The following SYNE2 variants were observed in gnomAD, a reference collection of about 807,000 sequenced individuals.
The protein encoded by SYNE2 is spectrin repeat containing nuclear envelope protein 2.
A neutral mutation model predicts 856.3 loss-of-function variants in SYNE2; 431 were observed. The observed-to-expected ratio is 0.50, with a 90% CI of 0.47 to 0.55. The LOEUF is 0.55. SYNE2 is among the 20% of genes least tolerant of loss of function. SYNE2 has a pLI of 0.00. For synonymous variants in SYNE2, 2,923 were observed against 2,872.3 expected (o/e 1.02, Z -0.56); for missense variants, 8,129 against 8,023.2 (o/e 1.01, Z -0.50).
chr14:64,044,236 T>C (rs1038210780), intron 45 of SYNE2, among the ~76,000 whole-genome samples: 1 of 152,148 alleles, frequency 6.6e-6, no homozygotes, highest in Non-Finnish European at 1.5e-5. Flanking sequence ...TCAAACGAGA[T>C]CATTTTGGAG....
chr14:63,819,590 G>A (rs1034249961), intron 1 of SYNE2, among the ~76,000 whole-genome samples: 4 of 149,494 alleles, frequency 2.7e-5, no homozygotes. Flanking sequence ...AGGCTGGAGT[G>A]CAGTGGTGCA....
At position 63,856,039 on chromosome 14, in the gene SYNE2, G is replaced by A. The variant is rs562339839; in HGVS notation, c.-52+2896G>A. Among the ~76,000 whole-genome samples the A allele has an allele frequency of 5.9e-5, 9 of 152,278 alleles. 1 individual carries two copies. Among genetic ancestry groups the A allele is most frequent in the Middle Eastern group, 3.4e-3 (1 of 294 alleles). ...GAGGTTGTAGAGAGGAGACAGGCAT[G>A]GAAGAAGATCCGGCCGAGAGATAGG... On this transcript the variant is annotated intron_variant, in intron 1 of 115. Transcript: ENST00000555002.
At chr14:63,763,250 G>C (rs1364837008) in intron 1 of SYNE2, among the ~76,000 whole-genome samples, 5 of 152,224 alleles carry the variant, frequency 3.3e-5, no homozygotes, top group Admixed American at 6.5e-5. Context: ...TTATAGGCAT[G>C]AGCCACCACG....
intron 1 of SYNE2, among the ~76,000 whole-genome samples, chr14:63,767,697 T>C (rs1467004949): frequency 6.6e-6 from 1 of 152,124 alleles, no homozygotes; most frequent in Non-Finnish European, 1.5e-5. Flanking sequence ...TTTTCCTTTC[T>C]TCTGCCTGCA....
chr14:64,017,478 G>C, intron 33 of SYNE2, 117 bp from the exon 34 acceptor site: 1 of 823,740 alleles, frequency 1.2e-6, no homozygotes, highest in Non-Finnish European at 2.0e-6. Context: ...GATGAATAAA[G>C]CAGATTATCC....
intron 1 of SYNE2, among the ~76,000 whole-genome samples, chr14:63,846,505 C>T (rs1890230929): frequency 6.6e-6 from 1 of 151,896 alleles, no homozygotes; most frequent in African/African-American, 2.4e-5. Context: ...AGAAATTATT[C>T]AAGCTCAATT....
intron 97 of SYNE2, 51 bp from the exon 98 acceptor site, chr14:64,188,499 G>A (rs760959539): frequency 1.9e-6 from 3 of 1,607,746 alleles, no homozygotes; most frequent in Non-Finnish European, 2.6e-6. Flanking sequence ...AGAGAAGGGG[G>A]TGCTTTCCTT....
intron 67 of SYNE2, among the ~76,000 whole-genome samples, chr14:64,120,217 T>C (rs2153665028): frequency 6.6e-6 from 1 of 152,306 alleles, no homozygotes; most frequent in African/African-American, 2.4e-5. Flanking sequence ...TGCAGATACA[T>C]AGGCCATATG....
At chr14:64,029,817 A>G in intron 43 of SYNE2, 78 bp from the exon 44 acceptor site, 3 of 1,456,202 alleles carry the variant, frequency 2.1e-6, no homozygotes, top group Non-Finnish European at 2.8e-6. Context: ...ACAAGTATTT[A>G]TTAGTCATTT....
chr14:64,211,599 G>GC (rs1211455382), intron 103 of SYNE2, among the ~76,000 whole-genome samples: 1 of 152,244 alleles, frequency 6.6e-6, no homozygotes, highest in African/African-American at 2.4e-5. Flanking sequence ...GCCTGGCCTG[G>GC]CCCCTCAGGG....
intron 1 of SYNE2, among the ~76,000 whole-genome samples, chr14:63,814,484 CTT>C (rs371580889): frequency 9.9e-5 from 3 of 30,328 alleles, no homozygotes; most frequent in South Asian, 1.8e-3. Flanking sequence ...AATATATATC[CTT>C]ATATATATCC....
intron 96 of SYNE2, among the ~76,000 whole-genome samples, chr14:64,179,809 T>C (rs61984373): frequency 0.013 from 1,913 of 152,306 alleles, 21 homozygotes; most frequent in South Asian, 0.019. Flanking sequence ...ACATTGCAAA[T>C]GTCTTTTCCC....
At chr14:64,001,800 G>T (rs1263547527) in intron 28 of SYNE2, 134 bp from the exon 29 acceptor site, 3 of 964,806 alleles carry the variant, frequency 3.1e-6, no homozygotes, top group Non-Finnish European at 5.0e-6. Flanking sequence ...GTGATAATGT[G>T]TATGTATATA....
intron 2 of SYNE2, among the ~76,000 whole-genome samples, chr14:63,929,092 A>G (rs1224749837): frequency 6.6e-6 from 1 of 152,094 alleles, no homozygotes; most frequent in Non-Finnish European, 1.5e-5. Flanking sequence ...TTCCTGGGTG[A>G]TAGGACCATC....
intron 66 of SYNE2, among the ~76,000 whole-genome samples, chr14:64,114,753 G>A (rs537620257): frequency 5.5e-4 from 83 of 151,978 alleles, no homozygotes; most frequent in South Asian, 4.0e-3. Context: ...GGGTAGCTGG[G>A]ACTACAGCCC....
At chr14:63,980,329 A>G (rs143565450) in intron 14 of SYNE2, among the ~76,000 whole-genome samples, 1 of 152,362 alleles carries the variant, frequency 6.6e-6, no homozygotes, top group African/African-American at 2.4e-5. Flanking sequence ...ATTATGTAAT[A>G]TTAAGGAAAT....
Position 63,938,730 on chromosome 14 carries a change from A to G in SYNE2, c.80-1884A>G, listed in dbSNP as rs143872575. ...CAGAGGAGAGCCAGGTTTCCATGAAAGCAGGAAGGGAAAGCCTCAACACCA... is the reference window on the plus strand; with the variant it reads ...CAGAGGAGAGCCAGGTTTCCATGAAGGCAGGAAGGGAAAGCCTCAACACCA... On this transcript the variant is annotated intron_variant, in intron 2 of 115. Transcript: ENST00000555002. Among the ~76,000 whole-genome samples, 79 of 152,260 alleles carry G rather than the reference A, an allele frequency of 5.2e-4. 3 individuals carry two copies. In the East Asian group the frequency reaches 0.013, roughly 24 times the overall value.
intron 99 of SYNE2, among the ~76,000 whole-genome samples, chr14:64,192,062 G>GT (rs1210176025): frequency 6.6e-6 from 1 of 152,164 alleles, no homozygotes; most frequent in African/African-American, 2.4e-5. Context: ...TCCATGAGAA[G>GT]ACTCTTAGGT....
rs188357709 is a variant in SYNE2, at chr14:63,861,244, A to C, written c.-52+8101A>C. Reference sequence around the variant, plus strand: ...ACTGCAACCTTCGCCTCCTGGGTTCAAGCGATTATCCTACCTCAGACTCCT... The same window carrying C: ...ACTGCAACCTTCGCCTCCTGGGTTCCAGCGATTATCCTACCTCAGACTCCT... On this transcript the variant is annotated intron_variant, in intron 1 of 115. Transcript: ENST00000555002. 2.9e-3 allele frequency among the ~76,000 whole-genome samples: 438 copies of C among 150,238 alleles called. 2 individuals are homozygous for C. Among genetic ancestry groups the C allele is most frequent in the African/African-American group, 1.0e-2 (407 of 40,824 alleles).
Sources: gnomAD v4.1 joint callset for allele counts (sites outside exome capture counted in the v4.1 genomes callset) on GRCh38, gnomAD v4.1.1 for gene constraint, MANE v1.5 for transcripts, NCBI Gene and HGNC (gene_info 2026-07-23, HGNC 2026-07-21) for gene names.